The following CTDSPL variants were observed in gnomAD, a reference collection of about 807,000 sequenced individuals.
CTDSPL encodes the protein CTD small phosphatase like.
CTDSPL carries 8 observed loss-of-function variants against 30.5 expected under a neutral mutation model. The observed-to-expected ratio is 0.26, with a 90% confidence interval of 0.15 to 0.47. The LOEUF (loss-of-function observed/expected upper bound fraction) is 0.47, where lower values mean the gene tolerates loss of function less well. Ranked by LOEUF, CTDSPL falls within the 20% of genes least tolerant of loss-of-function variation. The probability of loss-of-function intolerance (pLI) is 0.99; values close to 1 mark genes in which losing one functional copy is unlikely to be tolerated. For synonymous variants in CTDSPL, 110 were observed against 137.9 expected, an observed-to-expected ratio of 0.80 and a Z score of 1.42; for missense variants, 248 against 366.1, an observed-to-expected ratio of 0.68 and a Z score of 2.63.
intron 5 of CTDSPL, 107 bp from the exon 6 acceptor site, chr3:37,971,300 G>A: frequency 1.1e-6 from 1 of 936,376 alleles, no homozygotes; most frequent in East Asian, 2.6e-5. Context: ...CCTGGGGGAG[G>A]GAGGCAGGAA....
intron 5 of CTDSPL, among the ~76,000 whole-genome samples, chr3:37,968,670 G>A (rs1699328292): frequency 6.6e-6 from 1 of 152,168 alleles, no homozygotes; most frequent in Non-Finnish European, 1.5e-5. Flanking sequence ...CCTGGTACTT[G>A]AGCCACAACG....
intron 1 of CTDSPL, among the ~76,000 whole-genome samples, chr3:37,889,383 A>G (rs905039016): frequency 1.5e-4 from 23 of 152,260 alleles, no homozygotes; most frequent in South Asian, 4.1e-4. Context: ...GAAAATAAAA[A>G]TATCACTAAC....
intron 1 of CTDSPL, among the ~76,000 whole-genome samples, chr3:37,925,694 G>T (rs1698773504): frequency 6.6e-6 from 1 of 152,200 alleles, no homozygotes; most frequent in Non-Finnish European, 1.5e-5. Flanking sequence ...TGGGAACAGA[G>T]CAGATAAGCA....
chr3:37,912,423 C>G (rs1698594288), intron 1 of CTDSPL, among the ~76,000 whole-genome samples: 1 of 152,192 alleles, frequency 6.6e-6, no homozygotes, highest in Non-Finnish European at 1.5e-5. Context: ...GAGGGAGAGG[C>G]TTAGTAAACA....
intron 1 of CTDSPL, among the ~76,000 whole-genome samples, chr3:37,902,845 G>T (rs1698467305): frequency 6.6e-6 from 1 of 152,162 alleles, no homozygotes; most frequent in Admixed American, 6.5e-5. Context: ...CAGGCCTGTG[G>T]CTGTGGCAAG....
At chr3:37,973,979 C>T (rs1038804323) in intron 6 of CTDSPL, among the ~76,000 whole-genome samples, 2 of 152,234 alleles carry the variant, frequency 1.3e-5, no homozygotes, top group Admixed American at 1.3e-4. Flanking sequence ...CCACAGGGCG[C>T]GTGCAGCCCA....
rs1698993157 is a variant in CTDSPL at position 37,942,812 on chromosome 3, G to A, written c.80-4245G>A. 1.3e-5 allele frequency among the ~76,000 whole-genome samples: 2 copies of A among 150,430 alleles called. 1 individual carries two copies. The highest frequency in any genetic ancestry group is 4.8e-5 in the African/African-American group (2 of 41,302). On this transcript the variant is annotated intron_variant, in intron 1 of 7. Transcript: ENST00000273179. ...CAACTTGCCCAGGTCCTGTACTGTT[G>A]CTGGTTGAGCCAGATTTCGCACCTA...
chr3:37,921,180 A>G (rs1698708810), intron 1 of CTDSPL, among the ~76,000 whole-genome samples: 1 of 152,214 alleles, frequency 6.6e-6, no homozygotes, highest in African/African-American at 2.4e-5. Context: ...CGGGCAGCAC[A>G]GGGCCATTTT....
rs1699279930 is a variant in CTDSPL at position 37,964,632 on chromosome 3, T to C, written c.329T>C (p.Val110Ala). ...CTTGACTATGGAAAGAAATGTGTGGTCATTGATTTAGATGAAACATTGGTG... is the reference window on the plus strand; with the variant it reads ...CTTGACTATGGAAAGAAATGTGTGGCCATTGATTTAGATGAAACATTGGTG... ...TVLDYGKKCV[V>A]IDLDETLVHS... Residue 110 changes from valine to alanine, a missense_variant, in exon 4 of 8, where the codon GTC becomes GCC. This residue lies in a region of CTDSPL where 45 missense variants were observed against 83.1 expected (regional missense o/e 0.54). Coordinates refer to ENST00000273179, the MANE Select transcript of CTDSPL (RefSeq NM_001008392.2). The C allele has an allele frequency of 6.2e-7, 1 of 1,614,086 alleles. No individual in the cohort carries two copies. Among genetic ancestry groups the C allele is most frequent in the Non-Finnish European group, 8.5e-7 (1 of 1,179,942 alleles).
chr3:37,978,469 A>G (rs1424967530), intron 7 of CTDSPL, among the ~76,000 whole-genome samples: 1 of 152,220 alleles, frequency 6.6e-6, no homozygotes, highest in Non-Finnish European at 1.5e-5. Context: ...TTTTATGTAC[A>G]GCTTATACAC....
chr3:37,885,351 G>A (rs912520855), intron 1 of CTDSPL, among the ~76,000 whole-genome samples: 1 of 152,180 alleles, frequency 6.6e-6, no homozygotes, highest in African/African-American at 2.4e-5. Context: ...TAGGTCAGAG[G>A]GTTGTGTTGC....
intron 5 of CTDSPL, among the ~76,000 whole-genome samples, chr3:37,968,628 T>C (rs1310226400): frequency 6.6e-6 from 1 of 152,212 alleles, no homozygotes; most frequent in African/African-American, 2.4e-5. Context: ...AAAGGGAGCG[T>C]ATCTGGCCTG....
intron 1 of CTDSPL, among the ~76,000 whole-genome samples, chr3:37,905,599 C>A (rs534657689): frequency 6.6e-6 from 1 of 152,212 alleles, no homozygotes; most frequent in African/African-American, 2.4e-5. Context: ...TCCCCCCCTC[C>A]CTCCTTGTGC....
At chr3:37,949,116 G>A (rs928003687) in intron 2 of CTDSPL, among the ~76,000 whole-genome samples, 17 of 152,180 alleles carry the variant, frequency 1.1e-4, no homozygotes, top group African/African-American at 3.1e-4. Flanking sequence ...CACCGCGCCC[G>A]GCCATTTTCC....
intron 1 of CTDSPL, among the ~76,000 whole-genome samples, chr3:37,881,443 C>G (rs968109136): frequency 6.6e-6 from 1 of 152,070 alleles, no homozygotes; most frequent in Non-Finnish European, 1.5e-5. Flanking sequence ...GCAGGAGAAT[C>G]GCTTAAATGC....
At chr3:37,929,094 A>G (rs1698819641) in intron 1 of CTDSPL, among the ~76,000 whole-genome samples, 1 of 152,138 alleles carries the variant, frequency 6.6e-6, no homozygotes, top group South Asian at 2.1e-4. Flanking sequence ...CCGTACATGC[A>G]TAGGTTTATT....
chr3:37,882,798 T>C (rs1698222634), intron 1 of CTDSPL, among the ~76,000 whole-genome samples: 2 of 152,196 alleles, frequency 1.3e-5, no homozygotes, highest in Non-Finnish European at 2.9e-5. Flanking sequence ...AACTTGGTAA[T>C]TGAGCTTTCC....
rs1016664648 is a variant in CTDSPL at position 37,862,363 on chromosome 3, C to A, written c.79+85C>A. ...GTTCACTGCCGGGCGCCGGCATGGG[C>A]CTGGGGGAGGGGTGCACAGGGCCCG... is the stretch of plus-strand genomic sequence containing the variant. On this transcript the variant is annotated intron_variant, in intron 1 of 7. Coordinates refer to ENST00000273179, the MANE Select transcript of CTDSPL (RefSeq NM_001008392.2). The surrounding 1 kb of genome is among the most constrained non-coding windows in gnomAD (Gnocchi z 4.3). 5.5e-5 allele frequency: 67 copies of A among 1,209,326 alleles called. No individual in the cohort carries two copies. The African/African-American group carries it at 1.0e-3, about 19-fold the overall frequency. 74.9% of individuals were successfully genotyped at this position (1,209,326 alleles called of 1,614,324 possible).
chr3:37,922,622 A>AC, intron 1 of CTDSPL, among the ~76,000 whole-genome samples: 1 of 152,240 alleles, frequency 6.6e-6, no homozygotes, highest in Admixed American at 6.5e-5. Flanking sequence ...TAAACAGACC[A>AC]CCATTCTTTT....
Sources: gnomAD v4.1 joint callset for allele counts (sites outside exome capture counted in the v4.1 genomes callset) on GRCh38, gnomAD v4.1.1 for gene constraint, gnomAD v4.1.1 regional missense constraint, Gnocchi (gnomAD v3.1) non-coding constraint, MANE v1.5 for transcripts, NCBI Gene and HGNC (gene_info 2026-07-23, HGNC 2026-07-21) for gene names.